Variants in BACH2 observed in about 807,000 individuals in gnomAD.
BACH2 encodes the protein BACH transcriptional regulator 2.
Under a neutral mutation model 61.8 loss-of-function variants are expected in BACH2, and 5 were observed. The ratio of observed to expected loss-of-function variants is 0.08; its 90% CI spans 0.04 to 0.17. BACH2 has a LOEUF of 0.17. Among genes scored for constraint, BACH2 ranks in the 10% least tolerant of loss-of-function variants. The pLI is 1.00. For synonymous variants in BACH2, 446 were observed against 440.1 expected (o/e 1.01, Z -0.17); for missense variants, 824 against 1,091.1 (o/e 0.76, Z 3.45).
chr6:90,090,700 G>A (rs9451350), intron 4 of BACH2, among the ~76,000 whole-genome samples: 9,590 of 152,204 alleles, frequency 0.063, 986 homozygotes, highest in African/African-American at 0.22. Context: ...GCTGTGACTT[G>A]TCCATGGGGT....
intron 4 of BACH2, among the ~76,000 whole-genome samples, chr6:90,120,182 A>T (rs1783564243): frequency 6.6e-6 from 1 of 152,194 alleles, no homozygotes; most frequent in African/African-American, 2.4e-5. Context: ...CACCCTAAAA[A>T]TGGGGAGAGG....
intron 4 of BACH2, among the ~76,000 whole-genome samples, chr6:90,145,094 C>A (rs1784574658): frequency 1.3e-5 from 2 of 152,096 alleles, no homozygotes; most frequent in African/African-American, 2.4e-5. Flanking sequence ...ATTGCAGATG[C>A]AGTTTCAGGG....
intron 3 of BACH2, among the ~76,000 whole-genome samples, chr6:90,214,206 T>C (rs563068680): frequency 9.2e-5 from 14 of 152,328 alleles, no homozygotes; most frequent in Non-Finnish European, 1.3e-4. Flanking sequence ...TCTTGATCCA[T>C]TTGTTCACTT....
intron 5 of BACH2, among the ~76,000 whole-genome samples, chr6:90,070,996 T>C (rs560981410): frequency 1.1e-4 from 16 of 152,336 alleles, no homozygotes; most frequent in South Asian, 2.1e-4. Context: ...GTTTGTTTTT[T>C]TGGGGGGAAG....
At chr6:90,000,660 G>T (rs1282697756) in intron 6 of BACH2, among the ~76,000 whole-genome samples, 1 of 152,136 alleles carries the variant, frequency 6.6e-6, no homozygotes, top group Non-Finnish European at 1.5e-5. Context: ...TGAAATTGAG[G>T]TCATTAAATG....
chr6:90,023,128 A>G (rs1198241057), intron 5 of BACH2, among the ~76,000 whole-genome samples: 1 of 152,222 alleles, frequency 6.6e-6, no homozygotes, highest in African/African-American at 2.4e-5. Flanking sequence ...ATAACATACA[A>G]TCTGGTTTCA....
At chr6:90,213,984 G>C (rs1329334090) in intron 3 of BACH2, among the ~76,000 whole-genome samples, 2 of 152,060 alleles carry the variant, frequency 1.3e-5, no homozygotes, top group Non-Finnish European at 2.9e-5. Context: ...TTCTTAAGAA[G>C]CATGGCACAC....
intron 5 of BACH2, among the ~76,000 whole-genome samples, chr6:90,035,306 G>GA (rs1034156479): frequency 5.3e-5 from 8 of 152,046 alleles, no homozygotes; most frequent in Non-Finnish European, 1.0e-4. Flanking sequence ...CATTCCATGG[G>GA]AAAAAACCTA....
chr6:89,939,296 C>T (rs570722774), intron 7 of BACH2, among the ~76,000 whole-genome samples: 1 of 152,168 alleles, frequency 6.6e-6, no homozygotes. Context: ...ATTCTCTAGC[C>T]CCAGTCAAAC....
At chr6:90,257,188 G>A (rs752282073) in intron 2 of BACH2, among the ~76,000 whole-genome samples, 4 of 152,170 alleles carry the variant, frequency 2.6e-5, no homozygotes, top group Non-Finnish European at 5.9e-5. Context: ...AGTGAACATG[G>A]GAGTGCAGAC....
At chr6:90,046,326 C>T (rs988288108) in intron 5 of BACH2, among the ~76,000 whole-genome samples, 1 of 152,230 alleles carries the variant, frequency 6.6e-6, no homozygotes, top group African/African-American at 2.4e-5. Flanking sequence ...AAACACAAGC[C>T]TCTGGAGCTC....
At chr6:90,096,966 A>G (rs1279897535) in intron 4 of BACH2, among the ~76,000 whole-genome samples, 1 of 152,204 alleles carries the variant, frequency 6.6e-6, no homozygotes, top group Non-Finnish European at 1.5e-5. Flanking sequence ...CTTGGGTTCC[A>G]TCACACCCAT....
intron 4 of BACH2, among the ~76,000 whole-genome samples, chr6:90,114,683 A>C (rs1318019245): frequency 1.3e-5 from 2 of 152,222 alleles, no homozygotes; most frequent in East Asian, 3.8e-4. Flanking sequence ...AGGCAAGAGA[A>C]AGAAATAAAG....
intron 4 of BACH2, among the ~76,000 whole-genome samples, chr6:90,153,282 AG>A (rs766017134): frequency 2.0e-5 from 3 of 152,194 alleles, no homozygotes; most frequent in Non-Finnish European, 4.4e-5. Flanking sequence ...GGTGACTTAT[AG>A]TTCTTTCATT....
chr6:89,970,994 C>T (rs1187562752), intron 6 of BACH2, among the ~76,000 whole-genome samples: 1 of 152,218 alleles, frequency 6.6e-6, no homozygotes, highest in Non-Finnish European at 1.5e-5. Context: ...GTTTGTTCAT[C>T]ACATAGAATA....
In BACH2 at chr6:90,180,890, C is replaced by T. The variant is rs945166514; in HGVS notation, c.-162+25679G>A. ...ACACACACACACACACACACACACACATTCCTCACATGTTTTATCCACTCA... is the reference window on the plus strand; with the variant it reads ...ACACACACACACACACACACACACATATTCCTCACATGTTTTATCCACTCA... On this transcript the variant is annotated intron_variant, in intron 4 of 8. Coordinates refer to ENST00000257749, the MANE Select transcript of BACH2 (RefSeq NM_021813.4). Among the ~76,000 whole-genome samples the T allele has an allele frequency of 2.0e-5, 3 of 151,496 alleles. No homozygotes were observed. In the South Asian group the frequency reaches 6.3e-4, roughly 32 times the overall value.
In BACH2 at chr6:89,951,565, G is replaced by A; in HGVS notation, c.541C>T (p.Pro181Ser). Residue 181 changes from proline to serine, a missense_variant, in exon 7 of 9, where the codon CCC becomes TCC. Transcript: ENST00000257749. This position sits in a 1 kb window ranked among gnomAD's most constrained non-coding sequence, Gnocchi z 6.4. ...MDSETAKMAC[P>S]RDQMLPEPIS... Reference sequence around the variant, plus strand: ...GGCTCTGGAAGCATCTGGTCCCTGGGGCAAGCCATCTTGGCCGTCTCTGAA... The same window carrying A: ...GGCTCTGGAAGCATCTGGTCCCTGGAGCAAGCCATCTTGGCCGTCTCTGAA... The A allele has an allele frequency of 1.9e-6, 3 of 1,614,148 alleles. No homozygotes were observed. Among genetic ancestry groups the A allele is most frequent in the Non-Finnish European group, 2.5e-6 (3 of 1,180,038 alleles).
chr6:90,294,252 T>G (rs1483457463), intron 1 of BACH2, among the ~76,000 whole-genome samples: 1 of 152,208 alleles, frequency 6.6e-6, no homozygotes, highest in Non-Finnish European at 1.5e-5. Context: ...CATTCATGAT[T>G]ACCAAATGGC....
intron 1 of BACH2, among the ~76,000 whole-genome samples, chr6:90,280,201 C>T (rs151129239): frequency 0.011 from 1,706 of 152,144 alleles, 22 homozygotes; most frequent in Non-Finnish European, 0.014. Context: ...GTATTCTTAA[C>T]AGGTATTCAG....
Sources: gnomAD v4.1 joint callset for allele counts (sites outside exome capture counted in the v4.1 genomes callset) on GRCh38, gnomAD v4.1.1 for gene constraint, Gnocchi (gnomAD v3.1) non-coding constraint, MANE v1.5 for transcripts, NCBI Gene and HGNC (gene_info 2026-07-23, HGNC 2026-07-21) for gene names.